Variants in PTCHD4 observed in about 807,000 individuals in gnomAD.
The protein encoded by PTCHD4 is patched domain containing 4.
PTCHD4 carries 33 observed loss-of-function variants against 58.1 expected under a neutral mutation model. That is an observed-to-expected ratio of 0.57 (90% CI 0.43 to 0.76). The LOEUF (loss-of-function observed/expected upper bound fraction) is 0.76. Among genes scored for constraint, PTCHD4 ranks in the 30% least tolerant of loss-of-function variants. PTCHD4 has a pLI of 0.00. For synonymous variants in PTCHD4, 478 were observed against 409.6 expected, an observed-to-expected ratio of 1.17 and a Z score of -2.02; for missense variants, 1,058 against 1,027.1, an observed-to-expected ratio of 1.03 and a Z score of -0.41.
In PTCHD4 at chr6:47,878,374, T is replaced by C. The variant is rs148669879; in HGVS notation, c.2461A>G (p.Lys821Glu). 1.6e-4 allele frequency: 255 copies of C among 1,612,480 alleles called. No homozygotes were observed. Among genetic ancestry groups the C allele is most frequent in the Middle Eastern group, 9.9e-4 (6 of 6,066 alleles). ...KKHHKKKKRA[K>E]RKEREEIECI... ...TCAATTTCCTCTCTCTCCTTTCGCT[T>C]GGCACGTTTCTTTTTCTTGTGGTGC... Residue 821 changes from lysine to glutamate, a missense_variant, in exon 5 of 5, where the codon AAG (lysine) becomes GAG (glutamate). Transcript: ENST00000339488.
intron 4 of PTCHD4, among the ~76,000 whole-genome samples, chr6:47,942,476 A>G (rs1766268278): frequency 6.6e-6 from 1 of 152,192 alleles, no homozygotes; most frequent in South Asian, 2.1e-4. Context: ...AAGGACAGAA[A>G]GTGTAAGCTG....
chr6:48,001,921 C>G (rs1221931433), intron 4 of PTCHD4, among the ~76,000 whole-genome samples: 1 of 151,664 alleles, frequency 6.6e-6, no homozygotes, highest in African/African-American at 2.4e-5. Context: ...AAGAAAAAAC[C>G]AAACAACCCC....
chr6:47,992,276 TAC>T (rs112864747), intron 4 of PTCHD4, among the ~76,000 whole-genome samples: 51 of 152,168 alleles, frequency 3.4e-4, no homozygotes, highest in African/African-American at 4.3e-4. Context: ...TGTATATATA[TAC>T]ACACACACAC....
At chr6:48,088,422 T>A (rs1263869834) in intron 1 of PTCHD4, among the ~76,000 whole-genome samples, 1 of 152,152 alleles carries the variant, frequency 6.6e-6, no homozygotes, top group African/African-American at 2.4e-5. Flanking sequence ...ATTGACCTTT[T>A]GGGCTCCGTT....
chr6:47,888,845 C>T (rs1330130635), intron 4 of PTCHD4, among the ~76,000 whole-genome samples: 1 of 127,400 alleles, frequency 7.8e-6, no homozygotes, highest in Admixed American at 8.3e-5. Context: ...GTGTGATATT[C>T]CCCTTCCTGT....
intron 4 of PTCHD4, chr6:47,890,934 A>G (rs931683216): frequency 2.0e-6 from 2 of 977,024 alleles, no homozygotes; most frequent in African/African-American, 3.5e-5. Context: ...TGGGCCGTTC[A>G]CTGTGGCTCA....
At chr6:48,075,492 T>G (rs1765047285) in intron 1 of PTCHD4, among the ~76,000 whole-genome samples, 1 of 150,984 alleles carries the variant, frequency 6.6e-6, no homozygotes, top group African/African-American at 2.4e-5. Context: ...GCTTAACCAC[T>G]ATATCACCTT....
At chr6:48,053,855 A>G (rs1764318282) in intron 3 of PTCHD4, among the ~76,000 whole-genome samples, 1 of 152,124 alleles carries the variant, frequency 6.6e-6, no homozygotes, top group Admixed American at 6.6e-5. Context: ...CCAGGCAGGA[A>G]AATGGTACCG....
At chr6:48,020,946 AC>A (rs1317991678) in intron 3 of PTCHD4, among the ~76,000 whole-genome samples, 1 of 152,120 alleles carries the variant, frequency 6.6e-6, no homozygotes, top group African/African-American at 2.4e-5. Context: ...AACAAAAATA[AC>A]AAATTTCACT....
At position 47,988,729 on chromosome 6, in the gene PTCHD4, C is replaced by T. The variant is rs1340078524; in HGVS notation, c.898+19905G>A. On this transcript the variant is annotated intron_variant, in intron 4 of 4. Transcript: ENST00000339488. Reference sequence around the variant, plus strand: ...CCATGTGAAAAGTGCCTTTCATCTCCCACCATGATTGTGAGGCCTCCCCAG... The same window carrying T: ...CCATGTGAAAAGTGCCTTTCATCTCTCACCATGATTGTGAGGCCTCCCCAG... 5.9e-5 allele frequency among the ~76,000 whole-genome samples: 9 copies of T among 152,296 alleles called. 1 individual carries two copies. The highest frequency in any genetic ancestry group is 3.4e-3 in the Middle Eastern group (1 of 294).
At chr6:47,934,166 A>G (rs775667790) in intron 4 of PTCHD4, among the ~76,000 whole-genome samples, 28 of 152,172 alleles carry the variant, frequency 1.8e-4, no homozygotes, top group Non-Finnish European at 3.5e-4. Context: ...GGGGAGCCTC[A>G]GGAAGTTTGC....
Position 47,862,787 on chromosome 6 carries a change from G to A in PTCHD4, c.*15516C>T, listed in dbSNP as rs56912231. 6.6e-6 allele frequency among the ~76,000 whole-genome samples: 1 copy of A among 151,756 alleles called. No individual in the cohort carries two copies. The highest frequency in any genetic ancestry group is 2.4e-5 in the African/African-American group (1 of 41,376). ...AGACCCATTAATACTGTTTCCTTTG[G>A]AATTGTAATACTCATCTGCTCTTCA... is the stretch of plus-strand genomic sequence containing the variant. On this transcript the variant is annotated 3_prime_UTR_variant, in exon 5 of 5. Transcript: ENST00000339488.
intron 4 of PTCHD4, among the ~76,000 whole-genome samples, chr6:47,881,815 C>T (rs6920892): frequency 0.65 from 99,410 of 151,906 alleles, 33,247 homozygotes; most frequent in East Asian, 0.78. Flanking sequence ...TTCTTTTTAC[C>T]GCTAATGTAA....
chr6:48,038,955 T>C (rs1373325051), intron 3 of PTCHD4, among the ~76,000 whole-genome samples: 1 of 152,180 alleles, frequency 6.6e-6, no homozygotes, highest in Non-Finnish European at 1.5e-5. Flanking sequence ...GGTGTGAATA[T>C]AAATTGGCAG....
chr6:47,966,815 T>G (rs960735942), intron 4 of PTCHD4, among the ~76,000 whole-genome samples: 8 of 152,338 alleles, frequency 5.3e-5, no homozygotes, highest in African/African-American at 1.9e-4. Context: ...CAGTCCCATT[T>G]TCAGGCTTCA....
chr6:47,923,077 A>G (rs16876824), intron 4 of PTCHD4, among the ~76,000 whole-genome samples: 15,981 of 152,240 alleles, frequency 0.1, 853 homozygotes, highest in Middle Eastern at 0.12. Flanking sequence ...ACAGGAGTAT[A>G]GAGAGAAAGT....
chr6:47,869,308 T>C lies in PTCHD4; in HGVS notation c.*8995A>G, dbSNP rs1763657820. 6.6e-6 allele frequency among the ~76,000 whole-genome samples: 1 copy of C among 151,762 alleles called. No homozygotes were observed. Among genetic ancestry groups the C allele is most frequent in the South Asian group, 2.1e-4 (1 of 4,834 alleles). ...AAAGGGATGTGCTTTGTGATTAATC[T>C]CTGGGTACTACTGAGGAGCCGCTGG... is the stretch of plus-strand genomic sequence containing the variant. On this transcript the variant is annotated 3_prime_UTR_variant, in exon 5 of 5. Coordinates refer to ENST00000339488, the MANE Select transcript of PTCHD4 (RefSeq NM_001384253.1).
chr6:48,086,080 T>C (rs1296824347), intron 1 of PTCHD4, among the ~76,000 whole-genome samples: 3 of 152,180 alleles, frequency 2.0e-5, no homozygotes, highest in African/African-American at 7.2e-5. Context: ...TGTAGAATTA[T>C]AATTGTGTCA....
At chr6:48,071,545 T>C (rs1764975107) in intron 1 of PTCHD4, among the ~76,000 whole-genome samples, 2 of 152,368 alleles carry the variant, frequency 1.3e-5, no homozygotes, top group Admixed American at 6.5e-5. Flanking sequence ...AGAATAGCTT[T>C]AAATGAAAGG....
Sources: gnomAD v4.1 joint callset for allele counts (sites outside exome capture counted in the v4.1 genomes callset) on GRCh38, gnomAD v4.1.1 for gene constraint, MANE v1.5 for transcripts, NCBI Gene and HGNC (gene_info 2026-07-23, HGNC 2026-07-21) for gene names.